Variants in SH2D1A observed in about 807,000 individuals in gnomAD.
SH2D1A encodes the protein SH2 domain containing 1A, also known as SH2 domain-containing protein 1A.
In SH2D1A, 6 loss-of-function variants were observed where a neutral mutation model predicts 10.1. The observed-to-expected ratio is 0.60, with a 90% CI of 0.33 to 1.18. SH2D1A has a LOEUF of 1.18. SH2D1A is among the 50% of genes most tolerant of loss of function. The pLI is 0.04. For synonymous variants in SH2D1A, 42 were observed against 36.9 expected (o/e 1.14, Z -0.51); for missense variants, 51 against 97.6 (o/e 0.52, Z 2.01).
In SH2D1A at chrX:124,372,193, C is replaced by T. The variant is rs1214435304; in HGVS notation, c.*802C>T. On this transcript the variant is annotated 3_prime_UTR_variant, in exon 4 of 4. Transcript: ENST00000371139. ...CAGCTCATGAGTAACTGATTTGTAA[C>T]AAGCCTCCTTTTAAAGTAACCCTAC... The T allele has an allele frequency of 6.1e-6, 1 of 163,945 alleles. No homozygotes were observed. The highest frequency in any genetic ancestry group is 1.2e-5 in the Non-Finnish European group (1 of 85,349). 13.5% of individuals were successfully genotyped at this position (163,945 alleles called of 1,213,427 possible).
chrX:124,352,169 G>A (rs967355936), intron 1 of SH2D1A, among the ~76,000 whole-genome samples: 2 of 110,918 alleles, frequency 1.8e-5, no homozygotes, highest in African/African-American at 3.3e-5. Context: ...ATTTGGAGTT[G>A]TATTTTGATG....
chrX:124,361,105 A>T (rs1316389228), intron 1 of SH2D1A, among the ~76,000 whole-genome samples: 4 of 111,875 alleles, frequency 3.6e-5, no homozygotes, highest in Admixed American at 2.9e-4. Flanking sequence ...CACACGTTTA[A>T]ACCCTTACCT....
At chrX:124,351,440 G>C (rs754009940) in intron 1 of SH2D1A, among the ~76,000 whole-genome samples, 9 of 109,965 alleles carry the variant, frequency 8.2e-5, no homozygotes, top group African/African-American at 2.3e-4. Context: ...GGAATTTCTA[G>C]GTCAGAAAAC....
intron 1 of SH2D1A, among the ~76,000 whole-genome samples, chrX:124,354,355 C>T (rs1433825238): frequency 1.8e-5 from 2 of 111,506 alleles, no homozygotes; most frequent in East Asian, 5.6e-4. Flanking sequence ...TCAGCTCCCT[C>T]CACTGCCCTC....
chrX:124,366,795 A>C (rs910376805), intron 2 of SH2D1A, among the ~76,000 whole-genome samples: 3 of 110,005 alleles, frequency 2.7e-5, no homozygotes, highest in East Asian at 5.7e-4. Flanking sequence ...TATTTAAAAA[A>C]TTCTCTGTAT....
chrX:124,347,050 C>T (rs1450713747), intron 1 of SH2D1A, among the ~76,000 whole-genome samples: 1 of 108,489 alleles, frequency 9.2e-6, no homozygotes, highest in Non-Finnish European at 2.0e-5. Flanking sequence ...AATGCCATTT[C>T]GGGTGGTGAA....
intron 1 of SH2D1A, among the ~76,000 whole-genome samples, chrX:124,355,096 G>A (rs1046742851): frequency 1.8e-5 from 2 of 112,688 alleles, no homozygotes; most frequent in Non-Finnish European, 1.9e-5. Flanking sequence ...GCATTAGTTC[G>A]TATAGACGTA....
chrX:124,364,748 G>A (rs780090118), intron 1 of SH2D1A, among the ~76,000 whole-genome samples: 4 of 110,741 alleles, frequency 3.6e-5, no homozygotes, highest in East Asian at 5.6e-4. Flanking sequence ...TCCTGACCTC[G>A]TGATCTGGGA....
chrX:124,372,404 G>T lies in SH2D1A; in HGVS notation c.*1013G>T, dbSNP rs2060071733. 2 of 171,618 alleles carry T rather than the reference G, an allele frequency of 1.2e-5. No homozygotes were observed. The highest frequency in any genetic ancestry group is 5.9e-5 in the African/African-American group (2 of 33,764). The allele number at this position is 171,618 out of a possible 1,213,427, so 14.1% of individuals were successfully genotyped here. On this transcript the variant is annotated 3_prime_UTR_variant, in exon 4 of 4. Transcript: ENST00000371139. ...ATTCATTCACTCAACAAACATAATA[G>T]GGCGCTGAGGGCATAGAAGTAAAAA...
At chrX:124,349,068 T>C (rs914625361) in intron 1 of SH2D1A, among the ~76,000 whole-genome samples, 2 of 112,738 alleles carry the variant, frequency 1.8e-5, no homozygotes, top group Non-Finnish European at 3.7e-5. Context: ...TGAGAAATTA[T>C]CAAGCATTTA....
At chrX:124,357,893 C>T (rs2060030139) in intron 1 of SH2D1A, among the ~76,000 whole-genome samples, 3 of 109,490 alleles carry the variant, frequency 2.7e-5, no homozygotes, top group South Asian at 8.2e-4. Context: ...GATCTTGGCT[C>T]GCTGCAAACT....
chrX:124,347,483 G>C (rs1384215117), intron 1 of SH2D1A, among the ~76,000 whole-genome samples: 7 of 111,780 alleles, frequency 6.3e-5, no homozygotes, highest in African/African-American at 2.3e-4. Context: ...ATTTGCCTAG[G>C]CATGTCTCAT....
intron 1 of SH2D1A, chrX:124,364,260 G>A (rs2060048252): frequency 5.7e-6 from 1 of 174,213 alleles, no homozygotes; most frequent in Non-Finnish European, 1.1e-5. Context: ...TGTAGGCCTA[G>A]GCTAATGTGC....
At chrX:124,354,052 A>G (rs1280850157) in intron 1 of SH2D1A, among the ~76,000 whole-genome samples, 2 of 111,957 alleles carry the variant, frequency 1.8e-5, no homozygotes, top group African/African-American at 6.5e-5. Flanking sequence ...TTTGAATTCA[A>G]TTGGATATGT....
intron 3 of SH2D1A, among the ~76,000 whole-genome samples, chrX:124,371,000 G>T (rs2060067918): frequency 8.9e-6 from 1 of 111,763 alleles, no homozygotes; most frequent in South Asian, 3.8e-4. Context: ...GATAGGCCTT[G>T]ATTGAAACAA....
At chrX:124,364,805 GTTCATAACATTC>G (rs1289479916) in intron 1 of SH2D1A, among the ~76,000 whole-genome samples, 13 of 111,299 alleles carry the variant, frequency 1.2e-4, no homozygotes, top group Non-Finnish European at 2.5e-4. Flanking sequence ...AGTTTACAGT[GTTCATAACATTC>G]TAGTAGTGTA....
At chrX:124,347,864 A>G (rs191728289) in intron 1 of SH2D1A, among the ~76,000 whole-genome samples, 103 of 110,900 alleles carry the variant, frequency 9.3e-4, no homozygotes, top group African/African-American at 3.2e-3. Context: ...GACCTAGCTC[A>G]GGCATTATTG....
Position 124,346,649 on chromosome X carries a change from G to A in SH2D1A, c.7G>A (p.Ala3Thr). The A allele has an allele frequency of 1.7e-6, 2 of 1,211,668 alleles. No individual in the cohort carries two copies. The highest frequency in any genetic ancestry group is 2.2e-6 in the Non-Finnish European group (2 of 895,155). Residue 3 changes from alanine (A) to threonine (T), a missense_variant, in exon 1 of 4, where the codon GCA (alanine) becomes ACA (threonine). Coordinates refer to ENST00000371139, the MANE Select transcript of SH2D1A (RefSeq NM_002351.5). MD[A>T]VAVYHGKISR... ...CCCAAGAGTCCACCAGGCCATGGAC[G>A]CAGTGGCTGTGTATCATGGCAAAAT...
At chrX:124,350,256 TATATAA>T (rs2060006159) in intron 1 of SH2D1A, among the ~76,000 whole-genome samples, 3 of 26,479 alleles carry the variant, frequency 1.1e-4, no homozygotes, top group African/African-American at 2.8e-4. Flanking sequence ...TAATATATAA[TATATAA>T]ATATATATTA....
Sources: allele counts gnomAD v4.1 joint callset (sites outside exome capture counted in the v4.1 genomes callset), GRCh38; gene constraint gnomAD v4.1.1; transcripts MANE v1.5; gene names NCBI Gene and HGNC (gene_info 2026-07-23, HGNC 2026-07-21).